MCPH1: variants seen among roughly 807,000 people sequenced by gnomAD.
MCPH1 encodes the protein microcephalin 1, also known as microcephalin.
In MCPH1, 104 loss-of-function variants were observed where a neutral mutation model predicts 84.5. The ratio of observed to expected loss-of-function variants is 1.23; its 90% CI spans 1.05 to 1.45. The LOEUF is 1.45. Among genes scored for constraint, MCPH1 ranks in the 40% most tolerant of loss-of-function variants. MCPH1 has a pLI of 0.00. For missense variants in MCPH1, 1,498 were observed against 1,005.7 expected, an observed-to-expected ratio of 1.49 and a Z score of -6.62; for synonymous variants, 514 against 366.8, an observed-to-expected ratio of 1.40 and a Z score of -4.58.
At chr8:6,580,917 C>A (rs992326046) in intron 12 of MCPH1, among the ~76,000 whole-genome samples, 21 of 152,178 alleles carry the variant, frequency 1.4e-4, no homozygotes, top group African/African-American at 3.9e-4. Context: ...GCAGGTTCTG[C>A]ATCTGTAGGT....
rs1460282853 is a variant in MCPH1 at position 6,444,426 on chromosome 8, T to C, written c.704T>C (p.Phe235Ser). ...TTTGCTGGTGGCTTACACTCATCTTTTGATGATCTTTGTGGAAACTCAGGA... is the reference window on the plus strand; with the variant it reads ...TTTGCTGGTGGCTTACACTCATCTTCTGATGATCTTTGTGGAAACTCAGGA... Reference protein sequence around the residue: ...EYFAGGLHSSFDDLCGNSGCG... With the variant: ...EYFAGGLHSSSDDLCGNSGCG... Residue 235 changes from phenylalanine to serine, a missense_variant, in exon 8 of 14, where the codon TTT becomes TCT. Coordinates refer to ENST00000344683, the MANE Select transcript of MCPH1 (RefSeq NM_024596.5). 1 of 1,614,194 alleles carries C rather than the reference T, an allele frequency of 6.2e-7. No individual in the cohort carries two copies. Among genetic ancestry groups the C allele is most frequent in the African/African-American group, 1.3e-5 (1 of 75,074 alleles).
intron 9 of MCPH1, among the ~76,000 whole-genome samples, chr8:6,470,569 G>C (rs1307486044): frequency 6.6e-6 from 1 of 152,192 alleles, no homozygotes; most frequent in East Asian, 1.9e-4. Context: ...ACAGATGTGA[G>C]CCACCATGCC....
At chr8:6,623,049 C>T (rs534263658) in intron 13 of MCPH1, among the ~76,000 whole-genome samples, 1 of 131,304 alleles carries the variant, frequency 7.6e-6, no homozygotes, top group East Asian at 2.2e-4. Context: ...GATGGGGTCT[C>T]CCTATGTTGC....
At chr8:6,416,499 GT>G (rs1799322064) in intron 3 of MCPH1, among the ~76,000 whole-genome samples, 3 of 152,144 alleles carry the variant, frequency 2.0e-5, no homozygotes, top group Non-Finnish European at 4.4e-5. Context: ...TCTGTTGCAG[GT>G]TGTTTGTTTG....
intron 9 of MCPH1, among the ~76,000 whole-genome samples, chr8:6,476,936 C>T (rs1808540746): frequency 6.6e-6 from 1 of 152,062 alleles, no homozygotes; most frequent in Non-Finnish European, 1.5e-5. Context: ...AAACAATAGT[C>T]ATTTCTAGCT....
At position 6,445,263 on chromosome 8, in the gene MCPH1, G is replaced by A. The variant is rs1408509185; in HGVS notation, c.1541G>A (p.Gly514Glu). The A allele has an allele frequency of 1.2e-6, 2 of 1,614,048 alleles. No individual in the cohort carries two copies. The highest frequency in any genetic ancestry group is 1.7e-6 in the Non-Finnish European group (2 of 1,180,030). Residue 514 changes from glycine (G) to glutamate (E), a missense_variant, in exon 8 of 14, where the codon GGG becomes GAG. By Grantham distance (98) the Gly-to-Glu change is moderately conservative (BLOSUM62 -2). Coordinates refer to ENST00000344683, the MANE Select transcript of MCPH1 (RefSeq NM_024596.5). ...EEALRCCRQA[G>E]KEDACPEGNG... Reference sequence around the variant, plus strand: ...GCCCTAAGGTGTTGTAGACAGGCTGGGAAAGAAGACGCATGCCCAGAGGGA... The same window carrying A: ...GCCCTAAGGTGTTGTAGACAGGCTGAGAAAGAAGACGCATGCCCAGAGGGA...
At chr8:6,415,214 G>A (rs371584725) in intron 3 of MCPH1, among the ~76,000 whole-genome samples, 25 of 151,854 alleles carry the variant, frequency 1.6e-4, no homozygotes, top group African/African-American at 1.9e-4. Context: ...AGAATGGGTC[G>A]CTTGAGCAAC....
At chr8:6,494,615 T>C (rs573498300) in intron 11 of MCPH1, 60 of 152,332 alleles carry the variant, frequency 3.9e-4, no homozygotes, top group Admixed American at 3.7e-3. Flanking sequence ...TGGATGAACG[T>C]TGAACACACC....
intron 3 of MCPH1, among the ~76,000 whole-genome samples, chr8:6,423,076 C>T (rs1195998757): frequency 6.6e-6 from 1 of 151,572 alleles, no homozygotes; most frequent in Non-Finnish European, 1.5e-5. Context: ...CCACCTTGGC[C>T]TCCCAAAGTG....
At chr8:6,635,718 C>G (rs1797498262) in intron 13 of MCPH1, among the ~76,000 whole-genome samples, 3 of 152,218 alleles carry the variant, frequency 2.0e-5, no homozygotes, top group Admixed American at 2.0e-4. Flanking sequence ...TAAAAAGCCC[C>G]CCAGCAGAAT....
chr8:6,480,764 T>G lies in MCPH1; in HGVS notation c.2024T>G (p.Ile675Ser). 1 of 1,614,190 alleles carries G rather than the reference T, an allele frequency of 6.2e-7. No individual in the cohort carries two copies. The highest frequency in any genetic ancestry group is 8.5e-7 in the Non-Finnish European group (1 of 1,180,026). ...GTGGATAAATTGAAAGGCTTTTCAATTGCACCAGACGTCTGTGAGACCACG... is the reference window on the plus strand; with the variant it reads ...GTGGATAAATTGAAAGGCTTTTCAAGTGCACCAGACGTCTGTGAGACCACG... ...QVVDKLKGFS[I>S]APDVCETTTH... The change falls in exon 11 of 14, where the codon ATT (isoleucine) becomes AGT (serine). Residue 675 changes from isoleucine (I) to serine (S), a missense_variant. Physicochemically the swap from Ile to Ser is moderately radical, Grantham distance 142. Transcript: ENST00000344683.
chr8:6,465,699 C>T (rs966310224), intron 9 of MCPH1, among the ~76,000 whole-genome samples: 3 of 152,144 alleles, frequency 2.0e-5, no homozygotes, highest in Admixed American at 6.5e-5. Flanking sequence ...GCCTGCAAAC[C>T]TTACGGCTTA....
At chr8:6,598,771 C>T (rs780803584) in intron 12 of MCPH1, among the ~76,000 whole-genome samples, 29 of 152,244 alleles carry the variant, frequency 1.9e-4, no homozygotes, top group Non-Finnish European at 3.7e-4. Flanking sequence ...GAAGAGCCCC[C>T]TGCCACCCGA....
intron 3 of MCPH1, among the ~76,000 whole-genome samples, chr8:6,420,533 C>T (rs1163633691): frequency 2.6e-5 from 4 of 151,376 alleles, no homozygotes; most frequent in East Asian, 1.9e-4. Flanking sequence ...GCTTTTTTTT[C>T]GGGGAGGGAA....
chr8:6,544,518 G>A (rs1483590440), intron 12 of MCPH1, among the ~76,000 whole-genome samples: 1 of 152,132 alleles, frequency 6.6e-6, no homozygotes, highest in Non-Finnish European at 1.5e-5. Flanking sequence ...ACCAGCTCTA[G>A]GGATGTTTCC....
chr8:6,514,907 G>A, intron 12 of MCPH1: 1 of 684,352 alleles, frequency 1.5e-6, no homozygotes, highest in South Asian at 1.9e-5. Context: ...ATAAGGCACG[G>A]AGTAGACCAT....
chr8:6,586,096 G>A (rs959624985), intron 12 of MCPH1, among the ~76,000 whole-genome samples: 2 of 152,260 alleles, frequency 1.3e-5, no homozygotes, highest in Non-Finnish European at 2.9e-5. Context: ...GAGTAGCTAG[G>A]ACTGCAAGCA....
intron 12 of MCPH1, among the ~76,000 whole-genome samples, chr8:6,532,170 C>T (rs1159967836): frequency 6.6e-6 from 1 of 152,172 alleles, no homozygotes; most frequent in African/African-American, 2.4e-5. Context: ...ATTTTTAATT[C>T]ATAAGCAGCC....
intron 12 of MCPH1, among the ~76,000 whole-genome samples, chr8:6,515,850 C>T (rs552495255): frequency 3.0e-4 from 46 of 152,240 alleles, no homozygotes; most frequent in African/African-American, 1.0e-3. Context: ...TCTCTGTTTA[C>T]GAGTTAGAAT....
Sources: allele counts gnomAD v4.1 joint callset (sites outside exome capture counted in the v4.1 genomes callset), GRCh38; gene constraint gnomAD v4.1.1; transcripts MANE v1.5; gene names NCBI Gene and HGNC (gene_info 2026-07-23, HGNC 2026-07-21).